Variants in NCALD observed in about 807,000 individuals in gnomAD.
NCALD encodes neurocalcin delta, also known as neurocalcin-delta.
NCALD carries 10 observed loss-of-function variants against 18.6 expected under a neutral mutation model. That is an observed-to-expected ratio of 0.54 (90% confidence interval 0.33 to 0.91). The LOEUF (loss-of-function observed/expected upper bound fraction) is 0.91. Ranked by LOEUF, NCALD falls within the 40% of genes least tolerant of loss-of-function variation. NCALD has a pLI of 0.03. For missense variants in NCALD, 184 were observed against 247.6 expected, an observed-to-expected ratio of 0.74 and a Z score of 1.72; for synonymous variants, 88 against 87.4, an observed-to-expected ratio of 1.01 and a Z score of -0.04.
chr8:101,707,769 G>A (rs1028670035), intron 2 of NCALD, among the ~76,000 whole-genome samples: 1 of 152,192 alleles, frequency 6.6e-6, no homozygotes, highest in African/African-American at 2.4e-5. Context: ...TTGGGAGGCT[G>A]AGGCAGGAGA....
chr8:102,008,916 C>CCACACACA (rs1821804749), intron 2 of NCALD, among the ~76,000 whole-genome samples: 3 of 21,222 alleles, frequency 1.4e-4, no homozygotes, highest in African/African-American at 5.0e-4. Flanking sequence ...CCCCGCCCCC[C>CCACACACA]TACACACACA....
chr8:101,729,971 T>C (rs181181066), intron 1 of NCALD, among the ~76,000 whole-genome samples: 18 of 152,308 alleles, frequency 1.2e-4, no homozygotes, highest in Non-Finnish European at 1.8e-4. Flanking sequence ...ATTACCAAAG[T>C]ATTACATCAT....
intron 4 of NCALD, among the ~76,000 whole-genome samples, chr8:101,810,455 TA>T (rs1207318349): frequency 1.3e-5 from 2 of 152,196 alleles, no homozygotes; most frequent in Non-Finnish European, 2.9e-5. Context: ...TTATGCTTTC[TA>T]AAAAATGGAT....
chr8:102,024,070 T>A (rs1422289414), intron 1 of NCALD, among the ~76,000 whole-genome samples: 1 of 152,152 alleles, frequency 6.6e-6, no homozygotes, highest in East Asian at 1.9e-4. Context: ...TTTGCCAGAG[T>A]TCTTATAAAG....
chr8:101,765,684 C>T (rs1385353809), intron 1 of NCALD, among the ~76,000 whole-genome samples: 1 of 152,082 alleles, frequency 6.6e-6, no homozygotes, highest in Non-Finnish European at 1.5e-5. Context: ...CTTCCAAACT[C>T]AAAGCAACTG....
At chr8:101,895,600 T>G (rs1310053950) in intron 3 of NCALD, among the ~76,000 whole-genome samples, 5 of 148,858 alleles carry the variant, frequency 3.4e-5, no homozygotes, top group South Asian at 2.1e-4. Context: ...GACATGATTG[T>G]ATATCTAGAA....
chr8:101,825,981 A>G (rs1356971568), intron 4 of NCALD, among the ~76,000 whole-genome samples: 2 of 152,218 alleles, frequency 1.3e-5, no homozygotes, highest in African/African-American at 4.8e-5. Flanking sequence ...AGGCCAAAAA[A>G]TGTTACCTGA....
At chr8:101,722,544 G>C (rs570333473) in intron 1 of NCALD, among the ~76,000 whole-genome samples, 66 of 152,230 alleles carry the variant, frequency 4.3e-4, no homozygotes, top group Non-Finnish European at 6.2e-4. Context: ...TGCTTGCCTG[G>C]CCTTGGGGAA....
At chr8:101,721,160 G>A (rs558706649) in intron 1 of NCALD, 12 of 19,586 alleles carry the variant, frequency 6.1e-4, no homozygotes, top group South Asian at 7.0e-3. Flanking sequence ...TGCATTTTTC[G>A]TCTATTGGAA....
intron 4 of NCALD, among the ~76,000 whole-genome samples, chr8:101,831,848 T>C (rs2131248727): frequency 6.6e-6 from 1 of 152,314 alleles, no homozygotes; most frequent in African/African-American, 2.4e-5. Flanking sequence ...TAGTTCTCAT[T>C]AGGAAATCCA....
chr8:102,101,401 G>A lies in NCALD; in HGVS notation c.-210+22836C>T, dbSNP rs117244034. Among the ~76,000 whole-genome samples the A allele has an allele frequency of 2.8e-3, 423 of 152,268 alleles. 15 individuals carry two copies. The East Asian group carries it at 0.07, about 25-fold the overall frequency. On this transcript the variant is annotated intron_variant, in intron 1 of 6. Transcript: ENST00000311028. ...TAAAGGGTGTCTGCAGGCCTCTAGT[G>A]GACTACCTGGTTTAGTGGTGAATTA...
chr8:101,952,192 A>G (rs1050429183), intron 2 of NCALD, among the ~76,000 whole-genome samples: 1 of 152,162 alleles, frequency 6.6e-6, no homozygotes, highest in African/African-American at 2.4e-5. Context: ...TCCTAAGGGA[A>G]CTGAGAGTGC....
At chr8:101,842,169 C>A (rs1253444152) in intron 4 of NCALD, among the ~76,000 whole-genome samples, 1 of 152,088 alleles carries the variant, frequency 6.6e-6, no homozygotes, top group African/African-American at 2.4e-5. Flanking sequence ...ATTTCCTCTT[C>A]TTTTAAGGAT....
At chr8:101,712,193 C>T (rs1413227821) in intron 2 of NCALD, among the ~76,000 whole-genome samples, 2 of 152,058 alleles carry the variant, frequency 1.3e-5, no homozygotes, top group South Asian at 2.1e-4. Flanking sequence ...AAATAAAATC[C>T]TTTACAGACA....
exon 1 of NCALD, chr8:102,124,282 G>T (rs965984975): frequency 1.3e-5 from 2 of 151,650 alleles, no homozygotes; most frequent in Admixed American, 1.3e-4. Flanking sequence ...GCGAGGCGGC[G>T]GCAGCAGCGG....
intron 1 of NCALD, among the ~76,000 whole-genome samples, chr8:102,034,365 TG>T (rs1324567900): frequency 2.0e-5 from 3 of 152,238 alleles, no homozygotes; most frequent in African/African-American, 4.8e-5. Flanking sequence ...CCTTCATTTG[TG>T]CAAGGGATAA....
chr8:101,728,550 G>A (rs1049814043), intron 1 of NCALD, among the ~76,000 whole-genome samples: 5 of 152,236 alleles, frequency 3.3e-5, no homozygotes, highest in South Asian at 2.1e-4. Flanking sequence ...AGGGCGGGGC[G>A]TAGCTCATGC....
chr8:101,747,619 C>T (rs564807551), intron 1 of NCALD, among the ~76,000 whole-genome samples: 27 of 152,228 alleles, frequency 1.8e-4, no homozygotes, highest in Admixed American at 1.6e-3. Context: ...CCAACTGGGA[C>T]ACCATGGAAA....
At chr8:102,007,539 G>T (rs1003047708) in intron 2 of NCALD, among the ~76,000 whole-genome samples, 14 of 152,172 alleles carry the variant, frequency 9.2e-5, no homozygotes, top group Non-Finnish European at 1.6e-4. Flanking sequence ...GTTTGCTGAC[G>T]CTAAACTACA....
Sources: gnomAD v4.1 joint callset for allele counts (sites outside exome capture counted in the v4.1 genomes callset) on GRCh38, gnomAD v4.1.1 for gene constraint, MANE v1.5 for transcripts, NCBI Gene and HGNC (gene_info 2026-07-23, HGNC 2026-07-21) for gene names.